The following ZNF839 variants were observed in gnomAD, a reference collection of about 807,000 sequenced individuals.
ZNF839 encodes renal carcinoma antigen NY-REN-50.
A neutral mutation model predicts 56.4 loss-of-function variants in ZNF839; 38 were observed. The ratio of observed to expected loss-of-function variants is 0.67; its 90% CI spans 0.52 to 0.88. ZNF839 has a LOEUF of 0.88. Ranked by LOEUF, ZNF839 falls within the 40% of genes least tolerant of loss-of-function variation. ZNF839 has a pLI of 0.00. For missense variants in ZNF839, 1,091 were observed against 1,177.6 expected (o/e 0.93, Z 1.08); for synonymous variants, 486 against 493.5 (o/e 0.98, Z 0.20).
intron 2 of ZNF839, among the ~76,000 whole-genome samples, chr14:102,330,036 C>T (rs1372272951): frequency 6.6e-6 from 1 of 151,590 alleles, no homozygotes; most frequent in Non-Finnish European, 1.5e-5. Context: ...CTCAGGTGAT[C>T]TGCCCGCCTT....
intron 1 of ZNF839, among the ~76,000 whole-genome samples, chr14:102,320,484 T>C (rs1028622320): frequency 6.6e-6 from 1 of 152,178 alleles, no homozygotes; most frequent in African/African-American, 2.4e-5. Context: ...GGTTCTGGGA[T>C]TGACGGGGGC....
In ZNF839 at chr14:102,319,948, G is replaced by A; in HGVS notation, c.183G>A (p.Val61=). The part of the protein sequence containing the change: ...AQPPPPPPPF[V]LRDAARRLRD... Reference sequence around the variant, plus strand: ...CGCCGCCGCCGCCGCCCCCCTTCGTGCTGCGGGACGCGGCGCGGCGGCTGC... The same window carrying A: ...CGCCGCCGCCGCCGCCCCCCTTCGTACTGCGGGACGCGGCGCGGCGGCTGC... The change falls in exon 1 of 8, where the codon GTG becomes GTA. Residue 61 remains valine (V), a synonymous_variant. Transcript: ENST00000442396. The surrounding 1 kb of genome is among the most constrained non-coding windows in gnomAD (Gnocchi z 4.5). The A allele has an allele frequency of 8.6e-7, 1 of 1,168,242 alleles. No homozygotes were observed. Among genetic ancestry groups the A allele is most frequent in the South Asian group, 3.5e-5 (1 of 28,510 alleles). The allele number at this position is 1,168,242 out of a possible 1,614,324, so 72.4% of individuals were successfully genotyped here. A position where few individuals can be genotyped will look rare whatever the true frequency, so the allele number is the denominator to read the frequency against.
At chr14:102,319,446 G>A (rs983331382), upstream of ZNF839, 1 of 228,404 alleles carries the variant, frequency 4.4e-6, no homozygotes. This position sits in a 1 kb window ranked among gnomAD's most constrained non-coding sequence, Gnocchi z 4.5. Flanking sequence ...GGATATTGTG[G>A]TAACTTTTGG....
At chr14:102,334,299 A>G (rs1325941446) in intron 3 of ZNF839, among the ~76,000 whole-genome samples, 2 of 152,200 alleles carry the variant, frequency 1.3e-5, no homozygotes, top group Non-Finnish European at 2.9e-5. Context: ...ACATCTCCTT[A>G]TCACCGTGTC....
Position 102,342,326 on chromosome 14 carries a change from CACAG to C in ZNF839, c.*149_*152del. On this transcript the variant is annotated 3_prime_UTR_variant, in exon 8 of 8. Transcript: ENST00000442396. ...GTATATTTTTCTAATGTGAATATTG[CACAG>C]ATGAACCTTTTATTTATAAAGAATA... The C allele has an allele frequency of 1.1e-6, 1 of 905,604 alleles. No individual in the cohort carries two copies. Among genetic ancestry groups the C allele is most frequent in the Non-Finnish European group, 1.6e-6 (1 of 610,984 alleles). The allele number at this position is 905,604 out of a possible 1,614,324, so 56.1% of individuals were successfully genotyped here.
chr14:102,320,226 A>AT, intron 1 of ZNF839, among the ~76,000 whole-genome samples, 173 bp downstream of exon 1: 1 of 151,976 alleles, frequency 6.6e-6, no homozygotes, highest in Non-Finnish European at 1.5e-5. Flanking sequence ...CCACCCTGGC[A>AT]TTTTCACCCC....
intron 1 of ZNF839, among the ~76,000 whole-genome samples, chr14:102,323,735 C>A (rs909631672): frequency 2.0e-5 from 3 of 152,218 alleles, no homozygotes; most frequent in African/African-American, 7.2e-5. Context: ...CAGCCCTACG[C>A]CTAGGTACAT....
intron 5 of ZNF839, chr14:102,337,444 C>A (rs902627858): frequency 3.9e-5 from 6 of 152,258 alleles, no homozygotes; most frequent in Non-Finnish European, 7.3e-5. Context: ...GCTGGGATTA[C>A]AGGCATAAGC....
At chr14:102,333,178 C>T (rs1034112434) in intron 3 of ZNF839, among the ~76,000 whole-genome samples, 6 of 151,750 alleles carry the variant, frequency 4.0e-5, no homozygotes, top group East Asian at 1.9e-4. Flanking sequence ...GCTTGTTTTG[C>T]GAGCATCTGT....
chr14:102,325,454 C>T (rs992317068), intron 1 of ZNF839, among the ~76,000 whole-genome samples: 9 of 151,962 alleles, frequency 5.9e-5, no homozygotes, highest in Admixed American at 1.3e-4. Flanking sequence ...TTTATATACA[C>T]GTGTACTAGG....
intron 3 of ZNF839, 107 bp from the exon 4 acceptor site, chr14:102,334,447 A>T: frequency 1.3e-6 from 1 of 756,670 alleles, no homozygotes; most frequent in African/African-American, 1.8e-5. Context: ...GGTCACTGAA[A>T]TTTTTGGAGA....
chr14:102,339,181 A>G lies in ZNF839; in HGVS notation c.1885A>G (p.Arg629Gly). Residue 629 changes from arginine to glycine, a missense_variant, in exon 7 of 8, where the codon AGA (arginine) becomes GGA (glycine). By Grantham distance (125) the Arg-to-Gly change is moderately radical. Coordinates refer to ENST00000442396, the MANE Select transcript of ZNF839 (RefSeq NM_018335.6). ...CACTGAATCTCTTGCTGCCAACAGC[A>G]GAGGCCGGGAGAAGCCCAGGCCCTT... ...DTTESLAANSRGREKPRPLHA... is the reference protein window; with the variant it reads ...DTTESLAANSGGREKPRPLHA... The G allele has an allele frequency of 6.2e-7, 1 of 1,612,402 alleles. No homozygotes were observed. The highest frequency in any genetic ancestry group is 1.7e-5 in the Admixed American group (1 of 59,718).
chr14:102,341,289 C>G, intron 7 of ZNF839, 34 bp from the exon 8 acceptor site: 1 of 1,513,020 alleles, frequency 6.6e-7, no homozygotes, highest in Non-Finnish European at 8.8e-7. Flanking sequence ...TGACACAGTA[C>G]ACGCCATGTT....
At chr14:102,328,302 C>A (rs1474974772) in intron 2 of ZNF839, among the ~76,000 whole-genome samples, 16 of 134,566 alleles carry the variant, frequency 1.2e-4, no homozygotes, top group Non-Finnish European at 2.3e-4. Context: ...TGCAGTGAGC[C>A]GAGATCATGC....
At chr14:102,339,346 T>G in intron 7 of ZNF839, 123 bp downstream of exon 7, 1 of 1,327,210 alleles carries the variant, frequency 7.5e-7, no homozygotes, top group African/African-American at 1.5e-5. Context: ...AAGGGGACCC[T>G]CTGGTTTCTC....
chr14:102,331,187 G>A (rs1338632574), intron 2 of ZNF839, among the ~76,000 whole-genome samples: 1 of 152,232 alleles, frequency 6.6e-6, no homozygotes, highest in Non-Finnish European at 1.5e-5. Flanking sequence ...TCATGGATAC[G>A]TAATGAATTA....
intron 4 of ZNF839, 114 bp downstream of exon 4, chr14:102,334,760 T>G (rs1032103780): frequency 5.7e-6 from 3 of 529,400 alleles, no homozygotes; most frequent in South Asian, 4.1e-5. Context: ...AATTTTATTT[T>G]TGAGACAGGG....
At chr14:102,338,591 C>T (rs1420648116) in intron 5 of ZNF839, among the ~76,000 whole-genome samples, 1 of 148,304 alleles carries the variant, frequency 6.7e-6, no homozygotes, top group African/African-American at 2.5e-5. Context: ...CTAAATTGTG[C>T]TCACATAGAA....
chr14:102,337,903 T>C (rs1011716393), intron 5 of ZNF839, among the ~76,000 whole-genome samples: 2 of 152,238 alleles, frequency 1.3e-5, no homozygotes, highest in African/African-American at 2.4e-5. Context: ...AGGCATTGCA[T>C]ATGGAGTCAA....
Sources: gnomAD v4.1 joint callset for allele counts (sites outside exome capture counted in the v4.1 genomes callset) on GRCh38, gnomAD v4.1.1 for gene constraint, Gnocchi (gnomAD v3.1) non-coding constraint, MANE v1.5 for transcripts, NCBI Gene and HGNC (gene_info 2026-07-23, HGNC 2026-07-21) for gene names.